Variants in TENM3 observed in about 807,000 individuals in gnomAD.
The protein encoded by TENM3 is teneurin transmembrane protein 3, also known as teneurin-3.
In TENM3, 63 loss-of-function variants were observed where a neutral mutation model predicts 255.1. That is an observed-to-expected ratio of 0.25 (90% CI 0.20 to 0.30). The LOEUF is 0.30. Ranked by LOEUF, TENM3 falls within the 10% of genes least tolerant of loss-of-function variation. TENM3 has a pLI of 1.00. For synonymous variants in TENM3, 1,306 were observed against 1,322.3 expected (o/e 0.99, Z 0.27); for missense variants, 2,929 against 3,461.1 (o/e 0.85, Z 3.86).
the TENM3 span, among the ~76,000 whole-genome samples, chr4:181,492,879 C>T: frequency 6.6e-6 from 1 of 152,048 alleles, no homozygotes; most frequent in South Asian, 2.1e-4. Flanking sequence ...ATCAAGATAA[C>T]CTCTTTTTAA....
chr4:182,417,454 G>T (rs895508902), intron 3 of TENM3, among the ~76,000 whole-genome samples: 17 of 152,046 alleles, frequency 1.1e-4, no homozygotes, highest in African/African-American at 3.9e-4. Flanking sequence ...ATTGTGAATG[G>T]TATATCCTTG....
At chr4:182,444,767 A>G (rs1185147964) in intron 3 of TENM3, among the ~76,000 whole-genome samples, 3 of 152,200 alleles carry the variant, frequency 2.0e-5, no homozygotes, top group Non-Finnish European at 4.4e-5. Flanking sequence ...AATTTTATTT[A>G]AACGGTGAAC....
rs144330284 is a variant in TENM3, at chr4:182,159,587, G to C, written c.-76+14833G>C. 4.5e-3 allele frequency among the ~76,000 whole-genome samples: 690 copies of C among 152,206 alleles called. 8 individuals are homozygous for C. Among genetic ancestry groups the C allele is most frequent in the African/African-American group, 0.016 (652 of 41,522 alleles). ...AACGCAGTCACACAGCTCCTGCGCTGTATTTGGCCTGTCACCTAGAATCTT... is the reference window on the plus strand; with the variant it reads ...AACGCAGTCACACAGCTCCTGCGCTCTATTTGGCCTGTCACCTAGAATCTT... On this transcript the variant is annotated intron_variant, in intron 1 of 2. Coordinates refer to the TENM3 transcript ENST00000512480.
At chr4:181,935,315 A>G in the TENM3 span, among the ~76,000 whole-genome samples, 1 of 152,254 alleles carries the variant, frequency 6.6e-6, no homozygotes, top group Non-Finnish European at 1.5e-5. Flanking sequence ...CAACTTCTTT[A>G]CAATGTGAAG....
the TENM3 span, among the ~76,000 whole-genome samples, chr4:182,127,147 GTATT>G: frequency 1.7e-5 from 2 of 119,046 alleles, no homozygotes; most frequent in Admixed American, 1.5e-4. Context: ...GATTTTTAAA[GTATT>G]TATCCACATG....
the TENM3 span, among the ~76,000 whole-genome samples, chr4:181,871,718 G>A: frequency 1.3e-5 from 2 of 152,084 alleles, no homozygotes; most frequent in East Asian, 1.9e-4. Context: ...TGTTTTCTCA[G>A]ACTAAGGAGG....
chr4:182,294,134 TAAAAAA>T (rs554343604), intron 1 of TENM3, among the ~76,000 whole-genome samples: 4 of 148,056 alleles, frequency 2.7e-5, no homozygotes, highest in Admixed American at 6.8e-5. Context: ...TTGGCTGAGT[TAAAAAA>T]AAAAATGTCA....
the TENM3 span, among the ~76,000 whole-genome samples, chr4:181,517,195 G>C: frequency 6.6e-6 from 1 of 151,994 alleles, no homozygotes; most frequent in Non-Finnish European, 1.5e-5. Flanking sequence ...TGGAAGGGAG[G>C]ACAAGACTGT....
At chr4:182,403,419 A>G (rs1769336037) in intron 3 of TENM3, among the ~76,000 whole-genome samples, 1 of 152,236 alleles carries the variant, frequency 6.6e-6, no homozygotes, top group Non-Finnish European at 1.5e-5. Context: ...CTGATGCACT[A>G]TATCTTAACT....
chr4:182,470,402 C>T (rs1044454367), intron 3 of TENM3, among the ~76,000 whole-genome samples: 2 of 152,170 alleles, frequency 1.3e-5, no homozygotes, highest in Non-Finnish European at 2.9e-5. Flanking sequence ...AGGACCATCC[C>T]GAAATTCTTG....
At chr4:182,220,234 G>A (rs62354177) in intron 1 of TENM3, among the ~76,000 whole-genome samples, 31,701 of 151,746 alleles carry the variant, frequency 0.21, 3,605 homozygotes, top group Non-Finnish European at 0.25. Flanking sequence ...AAAATTAGTC[G>A]GGCATGGTGG....
the TENM3 span, among the ~76,000 whole-genome samples, chr4:181,983,232 G>C: frequency 6.6e-6 from 1 of 152,192 alleles, no homozygotes; most frequent in African/African-American, 2.4e-5. Context: ...AATTCCTTCT[G>C]CATGTTACAT....
intron 3 of TENM3, among the ~76,000 whole-genome samples, chr4:182,528,330 C>T (rs1219171648): frequency 6.6e-6 from 1 of 152,062 alleles, no homozygotes; most frequent in Non-Finnish European, 1.5e-5. Context: ...GTCGGCCAGG[C>T]TGTAAGTTTT....
intron 5 of TENM3, among the ~76,000 whole-genome samples, chr4:182,651,590 G>A (rs774747934): frequency 2.6e-5 from 4 of 152,162 alleles, no homozygotes; most frequent in South Asian, 2.1e-4. Flanking sequence ...CCAGCTACTC[G>A]GGAGGCTGAA....
At chr4:182,041,992 A>G in the TENM3 span, among the ~76,000 whole-genome samples, 1 of 152,204 alleles carries the variant, frequency 6.6e-6, no homozygotes, top group Non-Finnish European at 1.5e-5. Context: ...ATTCGAAAGT[A>G]AAGAATCTCT....
At chr4:181,512,501 C>T in the TENM3 span, among the ~76,000 whole-genome samples, 5 of 152,182 alleles carry the variant, frequency 3.3e-5, no homozygotes, top group Admixed American at 6.5e-5. Flanking sequence ...CTCAGACTTT[C>T]ATGCTGTCTG....
intron 1 of TENM3, among the ~76,000 whole-genome samples, chr4:182,307,987 A>T (rs1762231636): frequency 6.6e-6 from 1 of 152,246 alleles, no homozygotes; most frequent in Non-Finnish European, 1.5e-5. Flanking sequence ...GAGCTTTGGA[A>T]GAATCCTACT....
At position 182,717,354 on chromosome 4, in the gene TENM3, A is replaced by G. The variant is rs1759281563; in HGVS notation, c.2368+3121A>G. Among the ~76,000 whole-genome samples the G allele has an allele frequency of 1.3e-5, 2 of 152,020 alleles. 1 individual carries two copies. The highest frequency in any genetic ancestry group is 1.3e-4 in the Admixed American group (2 of 15,258). On this transcript the variant is annotated intron_variant, in intron 13 of 27. Transcript: ENST00000511685. ...AGATGGGGGCGACTTATCTTCAGCC[A>G]CCCTTTTAACACCTGTGCTGCTTTC... is the stretch of plus-strand genomic sequence containing the variant.
At chr4:181,636,349 T>C in the TENM3 span, among the ~76,000 whole-genome samples, 1 of 152,186 alleles carries the variant, frequency 6.6e-6, no homozygotes, top group African/African-American at 2.4e-5. Context: ...GGCCATTTCT[T>C]GCTCTTCAGG....
Sources: gnomAD v4.1 joint callset for allele counts (sites outside exome capture counted in the v4.1 genomes callset) on GRCh38, gnomAD v4.1.1 for gene constraint, MANE v1.5 for transcripts, NCBI Gene and HGNC (gene_info 2026-07-23, HGNC 2026-07-21) for gene names.